The following PRRC2B variants were observed in gnomAD, a reference collection of about 807,000 sequenced individuals.
The protein encoded by PRRC2B is proline rich coiled-coil 2B.
Under a neutral mutation model 242.3 loss-of-function variants are expected in PRRC2B, and 68 were observed. The ratio of observed to expected loss-of-function variants is 0.28; its 90% CI spans 0.23 to 0.34. PRRC2B has a LOEUF of 0.34. Among genes scored for constraint, PRRC2B ranks in the 10% least tolerant of loss-of-function variants. The pLI is 1.00. For missense variants in PRRC2B, 2,835 were observed against 2,954.8 expected (o/e 0.96, Z 0.94); for synonymous variants, 1,228 against 1,173.6 (o/e 1.05, Z -0.95).
intron 3 of PRRC2B, among the ~76,000 whole-genome samples, chr9:131,434,615 T>A (rs1054186584): frequency 1.3e-5 from 2 of 152,248 alleles, no homozygotes; most frequent in African/African-American, 4.8e-5. Context: ...AGTAGCCTTC[T>A]GTTTGTAATA....
chr9:131,477,820 C>T lies in PRRC2B; in HGVS notation c.4483C>T (p.Arg1495Trp), dbSNP rs746363975. The T allele has an allele frequency of 1.5e-5, 24 of 1,612,178 alleles. No individual in the cohort carries two copies. Among genetic ancestry groups the T allele is most frequent in the Middle Eastern group, 3.3e-4 (2 of 6,040 alleles). The change falls in exon 17 of 32, where the codon CGG (arginine) becomes TGG (tryptophan). Residue 1495 changes from arginine (R) to tryptophan (W), a missense_variant. This residue lies in a region of PRRC2B where 1,536 missense variants were observed against 1,483.1 expected (regional missense o/e 1.04). Coordinates refer to ENST00000683519, the MANE Select transcript of PRRC2B (RefSeq NM_013318.4). The stretch of plus-strand genomic sequence containing the variant: ...TGGCCACTCCCCCTATGCCCTGGAG[C>T]GGGCAGCCCATGCCAGTGCTGACCT... ...GSGHSPYALE[R>W]AAHASADLPE...
chr9:131,405,516 G>A (rs1433135484), intron 1 of PRRC2B, among the ~76,000 whole-genome samples: 2 of 151,960 alleles, frequency 1.3e-5, no homozygotes, highest in Admixed American at 6.6e-5. Flanking sequence ...CTCACTTCTC[G>A]ACTCAACCTC....
chr9:131,419,404 G>A (rs1837738143), intron 1 of PRRC2B, among the ~76,000 whole-genome samples: 1 of 152,184 alleles, frequency 6.6e-6, no homozygotes, highest in Non-Finnish European at 1.5e-5. Flanking sequence ...CCAACGTGGG[G>A]ACGGGTCCCC....
chr9:131,479,131 C>A, intron 18 of PRRC2B, 121 bp from the exon 19 acceptor site: 1 of 1,009,440 alleles, frequency 9.9e-7, no homozygotes, highest in Non-Finnish European at 1.5e-6. Flanking sequence ...GACGAGCGTT[C>A]CACACATCTC....
chr9:131,434,239 G>A (rs1838270140), intron 3 of PRRC2B, among the ~76,000 whole-genome samples: 1 of 152,206 alleles, frequency 6.6e-6, no homozygotes, highest in South Asian at 2.1e-4. Context: ...CACACCATGA[G>A]CTCTGGAACG....
At chr9:131,483,272 G>A (rs919118659) in intron 22 of PRRC2B, 87 bp from the exon 23 acceptor site, 60 of 1,301,072 alleles carry the variant, frequency 4.6e-5, no homozygotes, top group Non-Finnish European at 6.3e-5. Flanking sequence ...TTGAGTCGGG[G>A]AAACTGCATC....
chr9:131,477,059 G>A (rs1046652463), intron 16 of PRRC2B, among the ~76,000 whole-genome samples: 5 of 152,228 alleles, frequency 3.3e-5, no homozygotes, highest in Non-Finnish European at 5.9e-5. Context: ...AGGGGAGCAG[G>A]CTGCACATGG....
rs558788648 is a variant in PRRC2B, at chr9:131,408,392, C to T, written c.-52+14129C>T. ...TTGTGGTGGGACATGTTCAGTTGGA[C>T]ATTTCCGTAGGGAAATGGGTAAATA... On this transcript the variant is annotated intron_variant, in intron 1 of 31. Transcript: ENST00000683519. Among the ~76,000 whole-genome samples, 4 of 152,274 alleles carry T rather than the reference C, an allele frequency of 2.6e-5. No individual in the cohort carries two copies. The South Asian group carries it at 8.3e-4, about 32-fold the overall frequency.
At chr9:131,424,030 G>A (rs897487914) in intron 1 of PRRC2B, among the ~76,000 whole-genome samples, 10 of 152,008 alleles carry the variant, frequency 6.6e-5, no homozygotes, top group African/African-American at 1.9e-4. Context: ...CCACCTCCCA[G>A]GCTCAAGCAG....
At chr9:131,439,627 CA>C (rs1431414795) in intron 5 of PRRC2B, among the ~76,000 whole-genome samples, 6 of 152,204 alleles carry the variant, frequency 3.9e-5, no homozygotes, top group Admixed American at 3.3e-4. Flanking sequence ...CCCAGCCTGC[CA>C]TGCCTAGGAG....
chr9:131,499,511 C>T lies in PRRC2B; in HGVS notation c.*3637C>T, dbSNP rs1396821843. On this transcript the variant is annotated 3_prime_UTR_variant, in exon 32 of 32. Transcript: ENST00000683519. Reference sequence around the variant, plus strand: ...TGGGAAACGTAGGCTTCCAGAAAGCCAGCTCTCTTCTGAAATGTGACGGAC... The same window carrying T: ...TGGGAAACGTAGGCTTCCAGAAAGCTAGCTCTCTTCTGAAATGTGACGGAC... 2 of 152,282 alleles carry T rather than the reference C, an allele frequency of 1.3e-5. No individual in the cohort carries two copies. The highest frequency in any genetic ancestry group is 1.5e-5 in the Non-Finnish European group (1 of 68,062). The allele number at this position is 152,282 out of a possible 1,614,324, so 9.4% of individuals were successfully genotyped here. A position where few individuals can be genotyped will look rare whatever the true frequency, so the allele number is the denominator to read the frequency against.
At chr9:131,397,528 T>G (rs1227266537) in intron 1 of PRRC2B, among the ~76,000 whole-genome samples, 3 of 151,548 alleles carry the variant, frequency 2.0e-5, no homozygotes, top group African/African-American at 7.3e-5. Context: ...TTCTCTTTTT[T>G]TATCCTGAAG....
chr9:131,495,790 G>T lies in PRRC2B; in HGVS notation c.6606G>T (p.Gln2202His). ...EKPSLGAVKLQEAPSAASQMK... is the reference protein window; with the variant it reads ...EKPSLGAVKLHEAPSAASQMK... ...CCAGCCTGGGAGCCGTGAAGCTGCA[G>T]GAGGCCCCCTCGGCTGCCTCCCAGA... is the stretch of plus-strand genomic sequence containing the variant. Residue 2202 changes from glutamine to histidine, a missense_variant, in exon 32 of 32, where the codon CAG (glutamine) becomes CAT (histidine). Transcript: ENST00000683519. The T allele has an allele frequency of 6.2e-7, 1 of 1,613,026 alleles. No individual in the cohort carries two copies. Among genetic ancestry groups the T allele is most frequent in the Non-Finnish European group, 8.5e-7 (1 of 1,179,086 alleles).
chr9:131,428,040 G>A (rs180779136), intron 1 of PRRC2B, among the ~76,000 whole-genome samples: 260 of 152,236 alleles, frequency 1.7e-3, no homozygotes, highest in African/African-American at 6.0e-3. Context: ...TTCTGCCTCA[G>A]CCTCCTGAGT....
chr9:131,390,476 CTTTTTTTTT>C (rs10688559), upstream of PRRC2B, among the ~76,000 whole-genome samples: 11 of 41,210 alleles, frequency 2.7e-4, no homozygotes, highest in Admixed American at 4.0e-3. Context: ...CCTAGCTTGC[CTTTTTTTTT>C]TTTTTTTTTT....
At chr9:131,396,005 C>CAAGAG (rs1837044327) in intron 1 of PRRC2B, among the ~76,000 whole-genome samples, 1 of 152,196 alleles carries the variant, frequency 6.6e-6, no homozygotes, top group Non-Finnish European at 1.5e-5. Context: ...GCAAGTGTGT[C>CAAGAG]TCTTGGAGCC....
At chr9:131,466,027 C>A (rs957618519) in intron 12 of PRRC2B, among the ~76,000 whole-genome samples, 3 of 152,214 alleles carry the variant, frequency 2.0e-5, no homozygotes, top group African/African-American at 7.2e-5. Context: ...GCCTGGGCAA[C>A]ACGGCCCTAT....
Position 131,496,555 on chromosome 9 carries a change from T to C in PRRC2B, c.*681T>C, listed in dbSNP as rs1054022599. 2 of 148,602 alleles carry C rather than the reference T, an allele frequency of 1.3e-5. No individual in the cohort carries two copies. The highest frequency in any genetic ancestry group is 2.5e-5 in the African/African-American group (1 of 40,098). The allele number at this position is 148,602 out of a possible 1,614,324, so 9.2% of individuals were successfully genotyped here. On this transcript the variant is annotated 3_prime_UTR_variant, in exon 32 of 32. Transcript: ENST00000683519. Reference sequence around the variant, plus strand: ...AAAGGAGGTTCTTGAGGGCACCGATTGCGAGCATTCTGGTGCCTGGCTCCC... The same window carrying C: ...AAAGGAGGTTCTTGAGGGCACCGATCGCGAGCATTCTGGTGCCTGGCTCCC...
intron 3 of PRRC2B, among the ~76,000 whole-genome samples, chr9:131,434,373 AG>A (rs560946496): frequency 1.7e-3 from 261 of 152,338 alleles, no homozygotes; most frequent in African/African-American, 6.1e-3. Context: ...GGCTCCAGTG[AG>A]GGCTAGTTGT....
Sources: allele counts gnomAD v4.1 joint callset (sites outside exome capture counted in the v4.1 genomes callset), GRCh38; gene constraint gnomAD v4.1.1; regional missense constraint gnomAD v4.1.1; transcripts MANE v1.5; gene names NCBI Gene and HGNC (gene_info 2026-07-23, HGNC 2026-07-21).